DIP2C: variants seen among roughly 807,000 people sequenced by gnomAD.
The protein encoded by DIP2C is DIP2 acetate--CoA ligase C (putative).
In DIP2C, 33 loss-of-function variants were observed where a neutral mutation model predicts 192.4. The ratio of observed to expected loss-of-function variants is 0.17; its 90% CI spans 0.13 to 0.23. DIP2C has a LOEUF of 0.23. Among genes scored for constraint, DIP2C ranks in the 10% least tolerant of loss-of-function variants. The pLI is 1.00. For missense variants in DIP2C, 1,537 were observed against 2,110.1 expected (o/e 0.73, Z 5.32); for synonymous variants, 979 against 864.1 (o/e 1.13, Z -2.33).
chr10:588,932 C>T (rs1050727282), intron 1 of DIP2C, among the ~76,000 whole-genome samples: 1 of 152,212 alleles, frequency 6.6e-6, no homozygotes, highest in Admixed American at 6.5e-5. Flanking sequence ...ACTGCTGAGC[C>T]GTCTGCACCA....
chr10:662,396 C>CACTCACCCAG (rs1402089193), intron 1 of DIP2C, among the ~76,000 whole-genome samples: 1 of 152,238 alleles, frequency 6.6e-6, no homozygotes, highest in Non-Finnish European at 1.5e-5. Flanking sequence ...GCCCAGACCT[C>CACTCACCCAG]ACTCACCCAG....
chr10:477,936 A>G (rs1274530524), intron 2 of DIP2C, among the ~76,000 whole-genome samples: 3 of 108,540 alleles, frequency 2.8e-5, no homozygotes, highest in East Asian at 5.7e-4. Context: ...AGAGGGAAAG[A>G]AGGAAGGAAA....
At chr10:534,353 T>C (rs967694499) in intron 1 of DIP2C, among the ~76,000 whole-genome samples, 1 of 152,232 alleles carries the variant, frequency 6.6e-6, no homozygotes, top group African/African-American at 2.4e-5. Context: ...GGTCAGGAGT[T>C]GGGCGGCAGG....
At chr10:501,743 A>G (rs1234673472) in intron 1 of DIP2C, among the ~76,000 whole-genome samples, 1 of 152,142 alleles carries the variant, frequency 6.6e-6, no homozygotes, top group Non-Finnish European at 1.5e-5. Context: ...GCACCGCAAT[A>G]TCCATTCATT....
At chr10:386,716 G>C (rs754221656) in intron 14 of DIP2C, among the ~76,000 whole-genome samples, 1 of 152,172 alleles carries the variant, frequency 6.6e-6, no homozygotes, top group South Asian at 2.1e-4. Context: ...GCGAATACAG[G>C]AATTCCTGTA....
intron 33 of DIP2C, among the ~76,000 whole-genome samples, chr10:286,554 T>C (rs1303381082): frequency 6.6e-6 from 1 of 152,214 alleles, no homozygotes; most frequent in Non-Finnish European, 1.5e-5. Context: ...TCACTGTAAC[T>C]GTCAATATTG....
At chr10:580,028 C>T (rs769832313) in intron 1 of DIP2C, among the ~76,000 whole-genome samples, 5 of 152,078 alleles carry the variant, frequency 3.3e-5, no homozygotes, top group Admixed American at 6.5e-5. Flanking sequence ...CATGTACACG[C>T]ATCTCTATCC....
chr10:483,869 C>G lies in DIP2C; in HGVS notation c.157+2590G>C, dbSNP rs187513338. ...TCTCGCTCTGTCCCCCAGGCTGGAA[C>G]ACAGTGCCACAATCATAGCTCACTG... On this transcript the variant is annotated intron_variant, in intron 2 of 36. Coordinates refer to ENST00000280886, the MANE Select transcript of DIP2C (RefSeq NM_014974.3). 1.6e-3 allele frequency among the ~76,000 whole-genome samples: 245 copies of G among 152,138 alleles called. 3 individuals are homozygous for G. Among genetic ancestry groups the G allele is most frequent in the African/African-American group, 5.7e-3 (235 of 41,508 alleles).
rs1390380935 is a variant in DIP2C at position 408,950 on chromosome 10, T to A, written c.1125A>T (p.Glu375Asp). The change falls in exon 9 of 37, where the codon GAA (glutamate) becomes GAT (aspartate). Residue 375 changes from glutamate to aspartate, a missense_variant. Transcript: ENST00000280886. ...CCCTATCTCCAGGCCGGACCATGGG[T>A]TCCTGCTTTGTGCCTAATTTGTGTA... ...SILHKLGTKQ[E>D]PMVRPGDRVA... 2 of 1,614,102 alleles carry A rather than the reference T, an allele frequency of 1.2e-6. No homozygotes were observed. Among genetic ancestry groups the A allele is most frequent in the African/African-American group, 2.7e-5 (2 of 74,938 alleles).
chr10:622,568 T>C (rs1853937748), intron 1 of DIP2C, among the ~76,000 whole-genome samples: 1 of 152,162 alleles, frequency 6.6e-6, no homozygotes, highest in Admixed American at 6.5e-5. Context: ...AACATTTTAT[T>C]TTCATAGTTG....
chr10:324,470 A>G (rs138989239), intron 31 of DIP2C, among the ~76,000 whole-genome samples: 250 of 152,250 alleles, frequency 1.6e-3, no homozygotes, highest in African/African-American at 5.4e-3. Flanking sequence ...CATAAATTTA[A>G]TTTCTCTCTG....
chr10:295,480 G>T (rs919161678), intron 32 of DIP2C, among the ~76,000 whole-genome samples: 1 of 149,504 alleles, frequency 6.7e-6, no homozygotes, highest in African/African-American at 2.5e-5. Flanking sequence ...AGAATGGCAT[G>T]AACCCGGGAG....
Position 416,031 on chromosome 10 carries a change from G to C in DIP2C, c.740-143C>G, listed in dbSNP as rs1207428296. ...TGCGATCCTGGGAAGGGCCCGAGGT[G>C]ATCATGCTGTACGGTAGCCCCGTGG... On this transcript the variant is annotated intron_variant, in intron 6 of 36. Coordinates refer to ENST00000280886, the MANE Select transcript of DIP2C (RefSeq NM_014974.3). The C allele has an allele frequency of 1.7e-5, 22 of 1,283,152 alleles. No homozygotes were observed. In the South Asian group the frequency reaches 3.1e-4, roughly 18 times the overall value. 79.5% of individuals were successfully genotyped at this position (1,283,152 alleles called of 1,614,324 possible). A position where few individuals can be genotyped will look rare whatever the true frequency, so the allele number is the denominator to read the frequency against.
chr10:560,770 C>T (rs1375998928), intron 1 of DIP2C, among the ~76,000 whole-genome samples: 2 of 152,130 alleles, frequency 1.3e-5, no homozygotes, highest in African/African-American at 4.8e-5. Flanking sequence ...AAGGGCATTC[C>T]AAAGCTAACC....
intron 17 of DIP2C, chr10:369,888 C>T: frequency 7.3e-7 from 1 of 1,368,476 alleles, no homozygotes; most frequent in Non-Finnish European, 9.5e-7. Flanking sequence ...CAACGCAGCT[C>T]CTCTCCTGCC....
intron 29 of DIP2C, among the ~76,000 whole-genome samples, chr10:339,365 T>C (rs1357533179): frequency 6.6e-6 from 1 of 152,222 alleles, no homozygotes; most frequent in African/African-American, 2.4e-5. Flanking sequence ...TGTGATCTTG[T>C]GACTTCTGAG....
chr10:423,042 G>A lies in DIP2C; in HGVS notation c.395-9C>T. On this transcript the variant is annotated splice_polypyrimidine_tract_variant and intron_variant, in intron 4 of 36. Coordinates refer to ENST00000280886, the MANE Select transcript of DIP2C (RefSeq NM_014974.3). ...TGAGCCAGAAGAGGTATCTGTGTAA[G>A]AAGAAAGGTGATTTGCTGTATGTTG... 1 of 1,587,584 alleles carries A rather than the reference G, an allele frequency of 6.3e-7. No individual in the cohort carries two copies.
intron 1 of DIP2C, among the ~76,000 whole-genome samples, chr10:617,241 T>A (rs1209710274): frequency 3.5e-5 from 4 of 112,732 alleles, no homozygotes; most frequent in Non-Finnish European, 5.3e-5. Context: ...CTACCGCACA[T>A]GCCTCTCTAC....
Position 596,529 on chromosome 10 carries a change from ATT to A in DIP2C, c.85+92963_85+92964del. Among the ~76,000 whole-genome samples, 3 of 141,426 alleles carry A rather than the reference ATT, an allele frequency of 2.1e-5. No homozygotes were observed. In the East Asian group the frequency reaches 6.4e-4, roughly 30 times the overall value. 92.8% of individuals were successfully genotyped at this position (141,426 alleles called of 152,430 possible). A position where few individuals can be genotyped will look rare whatever the true frequency, so the allele number is the denominator to read the frequency against. The stretch of plus-strand genomic sequence containing the variant: ...AAAAAAAAAAAAAAAAAAAAAAAGT[ATT>A]AAGTTTTCCTTCCAATGAACCTATC... On this transcript the variant is annotated intron_variant, in intron 1 of 36. Transcript: ENST00000280886.
Sources: gnomAD v4.1 joint callset for allele counts (sites outside exome capture counted in the v4.1 genomes callset) on GRCh38, gnomAD v4.1.1 for gene constraint, MANE v1.5 for transcripts, NCBI Gene and HGNC (gene_info 2026-07-23, HGNC 2026-07-21) for gene names.